ZNF93: variants seen among roughly 807,000 people sequenced by gnomAD.
ZNF93 encodes zinc finger protein 93, also known as zinc finger protein 505.
ZNF93 carries 29 observed loss-of-function variants against 45.0 expected under a neutral mutation model. The observed-to-expected ratio is 0.64, with a 90% CI of 0.48 to 0.88. The LOEUF is 0.88. ZNF93 is among the 40% of genes least tolerant of loss of function. The pLI is 0.00. For missense variants in ZNF93, 578 were observed against 724.0 expected (o/e 0.80, Z 2.31); for synonymous variants, 223 against 244.6 (o/e 0.91, Z 0.82).
intron 3 of ZNF93, among the ~76,000 whole-genome samples, chr19:19,927,908 A>G (rs2063361047): frequency 6.6e-6 from 1 of 152,046 alleles, no homozygotes; most frequent in Admixed American, 6.5e-5. Flanking sequence ...CCACATCGCC[A>G]AGCTAATTTT....
At chr19:19,902,553 C>T in intron 1 of ZNF93, among the ~76,000 whole-genome samples, 1 of 151,838 alleles carries the variant, frequency 6.6e-6, no homozygotes, top group South Asian at 2.1e-4. Context: ...CCACAGGGCC[C>T]AGCCAACAGG....
intron 3 of ZNF93, 22 bp from the exon 4 acceptor site, chr19:19,933,160 G>A (rs371091837): frequency 3.1e-5 from 45 of 1,461,990 alleles, no homozygotes; most frequent in East Asian, 1.2e-4. Context: ...TTGAAGTAAT[G>A]TGTTTTTATT....
Position 19,919,627 on chromosome 19 carries a change from G to A in ZNF93, c.226+2972G>A, listed in dbSNP as rs1041379520. 5.3e-5 allele frequency among the ~76,000 whole-genome samples: 8 copies of A among 152,102 alleles called. No individual in the cohort carries two copies. The Middle Eastern group carries it at 0.01, about 194-fold the overall frequency. On this transcript the variant is annotated intron_variant, in intron 3 of 3. Transcript: ENST00000343769. ...ATGTGTTTGTATCCTCTTTTATTTTGTTGAGCAGTGGTTTGTAGTTCTCCT... is the reference window on the plus strand; with the variant it reads ...ATGTGTTTGTATCCTCTTTTATTTTATTGAGCAGTGGTTTGTAGTTCTCCT...
At position 19,933,686 on chromosome 19, in the gene ZNF93, T is replaced by G; in HGVS notation, c.731T>G (p.Leu244Arg). The G allele has an allele frequency of 6.2e-7, 1 of 1,612,562 alleles. No individual in the cohort carries two copies. The highest frequency in any genetic ancestry group is 8.5e-7 in the Non-Finnish European group (1 of 1,179,406). ...AAAGCCTTTATTGCATCCTCAACCC[T>G]TAGTAAACATGAGATCATTCATACT... ...CDKAFIASST[L>R]SKHEIIHTGK... is the part of the protein sequence containing the mutation. Residue 244 changes from leucine to arginine, a missense_variant, in exon 4 of 4, where the codon CTT (leucine) becomes CGT (arginine). Transcript: ENST00000343769.
chr19:19,923,638 C>T (rs1036358316), intron 3 of ZNF93, among the ~76,000 whole-genome samples: 2 of 152,166 alleles, frequency 1.3e-5, no homozygotes, highest in Non-Finnish European at 2.9e-5. Context: ...CCCCCAGCCT[C>T]GCTGGTGCCT....
intron 1 of ZNF93, among the ~76,000 whole-genome samples, chr19:19,910,888 A>T (rs2063305833): frequency 6.6e-6 from 1 of 152,156 alleles, no homozygotes; most frequent in East Asian, 1.9e-4. Flanking sequence ...CTGCATTGTG[A>T]ATGTAAACAT....
At chr19:19,902,098 T>A (rs192717137) in intron 1 of ZNF93, among the ~76,000 whole-genome samples, 113 of 151,880 alleles carry the variant, frequency 7.4e-4, no homozygotes, top group Non-Finnish European at 1.3e-3. Flanking sequence ...AAAAAAAAAA[T>A]AGACATCTTA....
At chr19:19,916,190 C>T (rs1206638070) in intron 2 of ZNF93, among the ~76,000 whole-genome samples, 7 of 151,892 alleles carry the variant, frequency 4.6e-5, no homozygotes, top group Admixed American at 3.9e-4. Flanking sequence ...ACTCAATCTC[C>T]CGAGTAGCTG....
chr19:19,914,792 C>G (rs2063318684), intron 1 of ZNF93: 1 of 378,862 alleles, frequency 2.6e-6, no homozygotes, highest in Non-Finnish European at 5.0e-6. Context: ...GACAAAATAT[C>G]CTTCTCGGGC....
chr19:19,931,271 C>T (rs1456726143), intron 3 of ZNF93, among the ~76,000 whole-genome samples: 1 of 151,338 alleles, frequency 6.6e-6, no homozygotes, highest in Non-Finnish European at 1.5e-5. Context: ...CTCACTGCAA[C>T]CTTCACCTCC....
chr19:19,909,810 G>T (rs2063302785), intron 1 of ZNF93, among the ~76,000 whole-genome samples: 1 of 152,210 alleles, frequency 6.6e-6, no homozygotes, highest in African/African-American at 2.4e-5. Flanking sequence ...TTCCCTCTCA[G>T]ACTTTGAGTC....
At chr19:19,906,771 T>A (rs2063293974) in intron 1 of ZNF93, among the ~76,000 whole-genome samples, 1 of 152,030 alleles carries the variant, frequency 6.6e-6, no homozygotes, top group Admixed American at 6.6e-5. Context: ...TGAGCACCAT[T>A]TATGAAATAA....
chr19:19,925,314 T>G (rs1477955376), intron 3 of ZNF93, among the ~76,000 whole-genome samples: 1 of 152,220 alleles, frequency 6.6e-6, no homozygotes, highest in Non-Finnish European at 1.5e-5. Flanking sequence ...TCTTGCTACA[T>G]AATCCAGGCT....
At chr19:19,902,079 C>T (rs1340805928) in intron 1 of ZNF93, among the ~76,000 whole-genome samples, 2 of 151,912 alleles carry the variant, frequency 1.3e-5, no homozygotes, top group Non-Finnish European at 2.9e-5. Context: ...CAAAGTGAGA[C>T]TCCGTCTTAA....
chr19:19,928,565 C>T (rs1490658103), intron 3 of ZNF93, among the ~76,000 whole-genome samples: 1 of 152,164 alleles, frequency 6.6e-6, no homozygotes, highest in Non-Finnish European at 1.5e-5. Context: ...CTTACTGTCA[C>T]CCAGGCTGCA....
intron 1 of ZNF93, among the ~76,000 whole-genome samples, chr19:19,913,196 A>G (rs1361245738): frequency 6.6e-6 from 1 of 152,314 alleles, no homozygotes; most frequent in Non-Finnish European, 1.5e-5. Flanking sequence ...ACAGAATCAC[A>G]TTACAGAATG....
intron 3 of ZNF93, chr19:19,926,988 TG>T (rs1282185533): frequency 5.1e-6 from 2 of 394,398 alleles, no homozygotes; most frequent in Admixed American, 4.4e-5. Context: ...TTTTGTGATT[TG>T]AAGGTAATTT....
Position 19,934,836 on chromosome 19 carries a change from C to G in ZNF93, c.*18C>G, listed in dbSNP as rs199508733. ...AACCCTAGAAGTGTGAAGAATGTGG[C>G]AAAGCCTTCAAGTGGTCCTCACACC... On this transcript the variant is annotated 3_prime_UTR_variant, in exon 4 of 4. Transcript: ENST00000343769. The G allele has an allele frequency of 1.9e-6, 3 of 1,584,726 alleles. No individual in the cohort carries two copies. The East Asian group carries it at 6.7e-5, about 35-fold the overall frequency.
At chr19:19,928,660 TAGGACTGTAG>T (rs2063363179) in intron 3 of ZNF93, among the ~76,000 whole-genome samples, 1 of 152,138 alleles carries the variant, frequency 6.6e-6, no homozygotes, top group African/African-American at 2.4e-5. Flanking sequence ...TTTGAGTAGG[TAGGACTGTAG>T]ACATGCACTA....
Sources: allele counts gnomAD v4.1 joint callset (sites outside exome capture counted in the v4.1 genomes callset), GRCh38; gene constraint gnomAD v4.1.1; transcripts MANE v1.5; gene names NCBI Gene and HGNC (gene_info 2026-07-23, HGNC 2026-07-21).